Variants in SHROOM3 observed in about 807,000 individuals in gnomAD.
SHROOM3 encodes the protein shroom family member 3.
A neutral mutation model predicts 138.6 loss-of-function variants in SHROOM3; 47 were observed. That is an observed-to-expected ratio of 0.34 (90% CI 0.27 to 0.43). The LOEUF (loss-of-function observed/expected upper bound fraction) is 0.43, where lower values mean the gene tolerates loss of function less well. Ranked by LOEUF, SHROOM3 falls within the 20% of genes least tolerant of loss-of-function variation. The probability of loss-of-function intolerance (pLI) is 1.00; values close to 1 mark genes in which losing one functional copy is unlikely to be tolerated. For missense variants in SHROOM3, 2,491 were observed against 2,596.5 expected, an observed-to-expected ratio of 0.96 and a Z score of 0.88; for synonymous variants, 1,062 against 1,063.3, an observed-to-expected ratio of 1.00 and a Z score of 0.02.
intron 1 of SHROOM3, among the ~76,000 whole-genome samples, chr4:76,549,356 A>G (rs1039483621): frequency 3.3e-5 from 5 of 151,796 alleles, no homozygotes; most frequent in Non-Finnish European, 7.4e-5. Flanking sequence ...GTTCTAGCCA[A>G]TGGCTTCAAC....
chr4:76,439,330 T>A (rs1730622762), intron 1 of SHROOM3, among the ~76,000 whole-genome samples: 1 of 152,194 alleles, frequency 6.6e-6, no homozygotes, highest in Admixed American at 6.5e-5. Flanking sequence ...AATCTCTCTA[T>A]TTTAAAATCA....
intron 2 of SHROOM3, chr4:76,689,573 T>C: frequency 2.0e-6 from 2 of 984,654 alleles, no homozygotes; most frequent in Non-Finnish European, 2.4e-6. Flanking sequence ...GGCCGCCCAT[T>C]GTTGAGCGCG....
At chr4:76,729,479 C>T (rs900329905) in intron 3 of SHROOM3, among the ~76,000 whole-genome samples, 15 of 152,258 alleles carry the variant, frequency 9.9e-5, no homozygotes, top group African/African-American at 3.1e-4. Context: ...TTTCCTATCA[C>T]CCTAATCTCT....
At chr4:76,500,609 C>T (rs753150085) in intron 1 of SHROOM3, among the ~76,000 whole-genome samples, 2 of 151,958 alleles carry the variant, frequency 1.3e-5, no homozygotes, top group Non-Finnish European at 2.9e-5. Context: ...CCCCTTTTGC[C>T]AACTCTTGGT....
At chr4:76,628,900 G>A (rs1050625061) in intron 2 of SHROOM3, 1 of 152,054 alleles carries the variant, frequency 6.6e-6, no homozygotes, top group Non-Finnish European at 1.5e-5. Context: ...GAATGCAGTG[G>A]TGCGATCTTG....
At chr4:76,473,217 A>T (rs1249397708) in intron 1 of SHROOM3, among the ~76,000 whole-genome samples, 1 of 152,252 alleles carries the variant, frequency 6.6e-6, no homozygotes, top group Non-Finnish European at 1.5e-5. Flanking sequence ...ACTATTGAGA[A>T]AGTAAAAATA....
chr4:76,756,406 T>A (rs772009317), intron 7 of SHROOM3, 43 bp from the exon 8 acceptor site: 36 of 1,469,926 alleles, frequency 2.4e-5, no homozygotes, highest in African/African-American at 4.6e-5. Flanking sequence ...ACTCTCTCTT[T>A]CTCTCTCTCT....
intron 2 of SHROOM3, among the ~76,000 whole-genome samples, chr4:76,633,558 G>A (rs1352778072): frequency 6.7e-6 from 1 of 150,046 alleles, no homozygotes; most frequent in African/African-American, 2.4e-5. Context: ...GCGGGAGGCT[G>A]AGGCAGCAGA....
intron 2 of SHROOM3, among the ~76,000 whole-genome samples, chr4:76,620,358 G>A (rs4859698): frequency 0.2 from 30,497 of 151,852 alleles, 3,863 homozygotes; most frequent in African/African-American, 0.35. Context: ...TAGAGATACG[G>A]GAATTATCTA....
intron 2 of SHROOM3, among the ~76,000 whole-genome samples, chr4:76,616,078 C>A (rs1431283491): frequency 6.6e-6 from 1 of 152,016 alleles, no homozygotes; most frequent in Non-Finnish European, 1.5e-5. Flanking sequence ...GTCAGTTTGA[C>A]ATTAGGTTTG....
At chr4:76,706,749 T>C (rs188591446) in intron 2 of SHROOM3, among the ~76,000 whole-genome samples, 1 of 152,330 alleles carries the variant, frequency 6.6e-6, no homozygotes, top group East Asian at 1.9e-4. Context: ...GGCACTAAGC[T>C]GAGCTGGTTT....
At chr4:76,547,546 C>G (rs1427361786) in intron 1 of SHROOM3, among the ~76,000 whole-genome samples, 1 of 152,150 alleles carries the variant, frequency 6.6e-6, no homozygotes, top group African/African-American at 2.4e-5. Flanking sequence ...GTCGGGGATA[C>G]AGCAGTAAAC....
At chr4:76,559,221 C>T (rs910689620) in intron 2 of SHROOM3, 2 of 152,178 alleles carry the variant, frequency 1.3e-5, no homozygotes, top group African/African-American at 4.8e-5. Flanking sequence ...ACATCTGACA[C>T]ATGCTTATAG....
intron 1 of SHROOM3, among the ~76,000 whole-genome samples, chr4:76,494,583 A>C (rs1189697084): frequency 6.6e-6 from 1 of 152,238 alleles, no homozygotes; most frequent in Non-Finnish European, 1.5e-5. Flanking sequence ...AACGGGAATC[A>C]GGCGGAACAT....
At chr4:76,573,254 A>G (rs537829461) in intron 2 of SHROOM3, among the ~76,000 whole-genome samples, 27 of 151,790 alleles carry the variant, frequency 1.8e-4, no homozygotes, top group African/African-American at 6.5e-4. Context: ...TCTGATAATC[A>G]TTGAATTTAT....
intron 1 of SHROOM3, among the ~76,000 whole-genome samples, chr4:76,548,309 A>G (rs767432768): frequency 1.3e-5 from 2 of 152,102 alleles, no homozygotes; most frequent in Non-Finnish European, 2.9e-5. Flanking sequence ...CAGAGGGAGG[A>G]CTGCGGTTTC....
Position 76,605,681 on chromosome 4 carries a change from G to C in SHROOM3, c.323+49918G>C, listed in dbSNP as rs142298761. Among the ~76,000 whole-genome samples the C allele has an allele frequency of 4.8e-3, 728 of 151,814 alleles. 3 individuals carry two copies. The highest frequency in any genetic ancestry group is 0.017 in the African/African-American group (701 of 41,424). On this transcript the variant is annotated intron_variant, in intron 2 of 10. Coordinates refer to ENST00000296043, the MANE Select transcript of SHROOM3 (RefSeq NM_020859.4). ...AAAACCTAATTAAGTTGCTGAAGAG[G>C]GGGAAAATATTTTTTCAGTGGCATA...
At chr4:76,615,639 C>A (rs184118146) in intron 2 of SHROOM3, among the ~76,000 whole-genome samples, 74 of 151,400 alleles carry the variant, frequency 4.9e-4, no homozygotes, top group Middle Eastern at 3.5e-3. Context: ...GGGGAGGCAC[C>A]CAGGGCATGC....
At chr4:76,693,921 A>G (rs1719646504) in intron 2 of SHROOM3, among the ~76,000 whole-genome samples, 1 of 151,656 alleles carries the variant, frequency 6.6e-6, no homozygotes. Context: ...TCTTCTGGGA[A>G]TCCAAATGAA....
Sources: gnomAD v4.1 joint callset for allele counts (sites outside exome capture counted in the v4.1 genomes callset) on GRCh38, gnomAD v4.1.1 for gene constraint, MANE v1.5 for transcripts, NCBI Gene and HGNC (gene_info 2026-07-23, HGNC 2026-07-21) for gene names.